EGF: variants seen among roughly 807,000 people sequenced by gnomAD.
The protein encoded by EGF is pro-epidermal growth factor.
Under a neutral mutation model 143.8 loss-of-function variants are expected in EGF, and 95 were observed. That is an observed-to-expected ratio of 0.66 (90% CI 0.56 to 0.78). The LOEUF (loss-of-function observed/expected upper bound fraction) is 0.78, where lower values mean the gene tolerates loss of function less well. Ranked by LOEUF, EGF falls within the 30% of genes least tolerant of loss-of-function variation. EGF has a pLI of 0.00. For missense variants in EGF, 1,320 were observed against 1,470.9 expected (o/e 0.90, Z 1.68); for synonymous variants, 510 against 510.5 (o/e 1.00, Z 0.01).
intron 6 of EGF, among the ~76,000 whole-genome samples, chr4:109,960,435 C>G (rs912385437): frequency 6.6e-6 from 1 of 152,136 alleles, no homozygotes; most frequent in African/African-American, 2.4e-5. Flanking sequence ...ACTTGAGTCC[C>G]AGAGTTCAAG....
intron 1 of EGF, among the ~76,000 whole-genome samples, chr4:109,932,187 G>T (rs79604826): frequency 1.3e-5 from 2 of 151,474 alleles, no homozygotes; most frequent in South Asian, 2.1e-4. Flanking sequence ...TAGTAAAAGC[G>T]CAAATAAACA....
chr4:109,938,130 C>T (rs1333675865), intron 1 of EGF, among the ~76,000 whole-genome samples: 2 of 152,168 alleles, frequency 1.3e-5, no homozygotes, highest in East Asian at 3.9e-4. Context: ...TTCCATTCTC[C>T]CCGTCACTTT....
intron 12 of EGF, among the ~76,000 whole-genome samples, chr4:109,975,534 C>T (rs547844267): frequency 3.3e-5 from 5 of 152,288 alleles, no homozygotes; most frequent in African/African-American, 9.6e-5. Context: ...TTGAAATTAA[C>T]TGAGTTAATA....
chr4:110,004,326 G>T, intron 21 of EGF, 179 bp from the exon 22 acceptor site: 1 of 702,928 alleles, frequency 1.4e-6, no homozygotes, highest in East Asian at 2.6e-5. Flanking sequence ...TTTGAGTTCT[G>T]CAGAAAAGAC....
chr4:109,919,829 G>A (rs74895118), intron 1 of EGF, among the ~76,000 whole-genome samples: 1 of 151,668 alleles, frequency 6.6e-6, no homozygotes, highest in African/African-American at 2.4e-5. Flanking sequence ...TTTGCTTGTG[G>A]TGGCATGGTC....
chr4:109,934,218 G>T (rs1020586586), intron 1 of EGF, among the ~76,000 whole-genome samples: 1 of 152,056 alleles, frequency 6.6e-6, no homozygotes, highest in East Asian at 1.9e-4. Flanking sequence ...TGTGATTTTT[G>T]CACATTGATT....
chr4:109,960,948 C>T lies in EGF; in HGVS notation c.1148C>T (p.Pro383Leu), dbSNP rs1468150631. ...NTPGSYYCTCPVGFVLLPDGK... is the reference protein window; with the variant it reads ...NTPGSYYCTCLVGFVLLPDGK... ...CCTGGATCCTATTACTGCACGTGCCCTGTAGGATTTGTTCTGCTTCCTGAT... is the reference window on the plus strand; with the variant it reads ...CCTGGATCCTATTACTGCACGTGCCTTGTAGGATTTGTTCTGCTTCCTGAT... The change falls in exon 7 of 24, where the codon CCT (proline) becomes CTT (leucine). Residue 383 changes from proline to leucine, a missense_variant. By Grantham distance (98) the Pro-to-Leu change is moderately conservative. Around this residue, in one of 5 missense-constraint regions of EGF, gnomAD observed 1,186 missense variants for 1,313.7 expected, o/e 0.90. Transcript: ENST00000265171. 3.1e-6 allele frequency: 5 copies of T among 1,613,876 alleles called. No homozygotes were observed. Among genetic ancestry groups the T allele is most frequent in the Non-Finnish European group, 4.2e-6 (5 of 1,179,880 alleles).
chr4:109,986,503 A>C (rs1222006475), intron 16 of EGF, among the ~76,000 whole-genome samples: 1 of 152,204 alleles, frequency 6.6e-6, no homozygotes, highest in Non-Finnish European at 1.5e-5. Context: ...AAGCAAATCA[A>C]ATGCAATTAC....
chr4:110,009,433 T>C (rs1225249028), intron 23 of EGF, among the ~76,000 whole-genome samples: 2 of 152,214 alleles, frequency 1.3e-5, no homozygotes, highest in East Asian at 1.9e-4. Context: ...TAACCCACTA[T>C]AGAGGCACAT....
intron 4 of EGF, among the ~76,000 whole-genome samples, chr4:109,944,433 C>T (rs142528221): frequency 1.3e-5 from 2 of 152,264 alleles, no homozygotes; most frequent in Non-Finnish European, 2.9e-5. Flanking sequence ...AGCGAGACTC[C>T]GTCTCAAGAA....
Position 109,968,711 on chromosome 4 carries a change from C to CTATCTAT in EGF, c.1576-260_1576-259insTATCTAT, listed in dbSNP as rs10657057. On this transcript the variant is annotated intron_variant, in intron 10 of 23. Transcript: ENST00000265171. ...ATCTATCTATCTATCTATCTATCTACCTACCTACCTACCTACCTAATAAGA... is the reference window on the plus strand; with the variant it reads ...ATCTATCTATCTATCTATCTATCTACTATCTATCTACCTACCTACCTACCTAATAAGA... The CTATCTAT allele has an allele frequency of 1.0e-3, 304 of 297,336 alleles. 4 individuals are homozygous for CTATCTAT. The highest frequency in any genetic ancestry group is 3.3e-3 in the Admixed American group (60 of 18,026). The allele number at this position is 297,336 out of a possible 1,614,324, so 18.4% of individuals were successfully genotyped here. A position where few individuals can be genotyped will look rare whatever the true frequency, so the allele number is the denominator to read the frequency against.
intron 1 of EGF, among the ~76,000 whole-genome samples, chr4:109,927,495 C>T (rs916905975): frequency 6.6e-6 from 1 of 151,938 alleles, no homozygotes; most frequent in Non-Finnish European, 1.5e-5. Flanking sequence ...GAGGCCGAGG[C>T]AGGCGGATCA....
chr4:109,970,778 T>TCCC (rs1483214113), intron 11 of EGF, among the ~76,000 whole-genome samples: 1 of 134,544 alleles, frequency 7.4e-6, no homozygotes, highest in East Asian at 2.3e-4. Flanking sequence ...TGAGCGGAGA[T>TCCC]CGCACCACTG....
intron 1 of EGF, among the ~76,000 whole-genome samples, chr4:109,925,237 G>A (rs1738435194): frequency 6.6e-6 from 1 of 152,164 alleles, no homozygotes; most frequent in South Asian, 2.1e-4. Flanking sequence ...AAATTAAAAT[G>A]TGTTCCTTTG....
At chr4:109,993,822 A>G (rs897344691) in intron 19 of EGF, among the ~76,000 whole-genome samples, 8 of 152,060 alleles carry the variant, frequency 5.3e-5, no homozygotes, top group African/African-American at 1.9e-4. Flanking sequence ...TCTTTTCTCA[A>G]TATTCATAAT....
intron 1 of EGF, among the ~76,000 whole-genome samples, chr4:109,925,621 A>G (rs545441976): frequency 6.6e-6 from 1 of 152,356 alleles, no homozygotes; most frequent in Non-Finnish European, 1.5e-5. Context: ...CTCCAATGCC[A>G]GTAATCTTAG....
At chr4:109,930,722 C>T (rs1739541806) in intron 1 of EGF, among the ~76,000 whole-genome samples, 1 of 152,194 alleles carries the variant, frequency 6.6e-6, no homozygotes, top group Non-Finnish European at 1.5e-5. Flanking sequence ...CCCTCAGACT[C>T]ACAGAGGATG....
At chr4:109,983,277 A>T (rs956608398) in intron 15 of EGF, 145 bp from the exon 16 acceptor site, 3 of 913,844 alleles carry the variant, frequency 3.3e-6, no homozygotes, top group Non-Finnish European at 5.0e-6. Context: ...TAAGTTACCA[A>T]GACCCTGACA....
At chr4:109,915,753 C>A (rs1050784682) in intron 1 of EGF, among the ~76,000 whole-genome samples, 11 of 152,330 alleles carry the variant, frequency 7.2e-5, no homozygotes, top group Admixed American at 7.2e-4. Context: ...AGACAGATCA[C>A]CTCTGCAGCC....
Sources: allele counts gnomAD v4.1 joint callset (sites outside exome capture counted in the v4.1 genomes callset), GRCh38; gene constraint gnomAD v4.1.1; regional missense constraint gnomAD v4.1.1; transcripts MANE v1.5; gene names NCBI Gene and HGNC (gene_info 2026-07-23, HGNC 2026-07-21).